Variants in GLG1 observed in about 807,000 individuals in gnomAD.
The protein encoded by GLG1 is golgi glycoprotein 1, also known as Golgi apparatus protein 1.
Under a neutral mutation model 160.5 loss-of-function variants are expected in GLG1, and 38 were observed. The observed-to-expected ratio is 0.24, with a 90% CI of 0.18 to 0.31. The LOEUF is 0.31. GLG1 is among the 10% of genes least tolerant of loss of function. GLG1 has a pLI of 1.00. For synonymous variants in GLG1, 644 were observed against 543.4 expected (o/e 1.19, Z -2.57); for missense variants, 1,373 against 1,505.2 (o/e 0.91, Z 1.45).
intron 11 of GLG1, among the ~76,000 whole-genome samples, chr16:74,477,980 AT>A (rs1470263279): frequency 3.2e-4 from 47 of 146,222 alleles, no homozygotes; most frequent in African/African-American, 1.2e-3. Context: ...TCTCAAAAAA[AT>A]AAATAAATAA....
At chr16:74,505,624 G>T (rs983516334) in intron 3 of GLG1, among the ~76,000 whole-genome samples, 3 of 152,194 alleles carry the variant, frequency 2.0e-5, no homozygotes, top group Non-Finnish European at 2.9e-5. Flanking sequence ...GGAGGCTGAG[G>T]CAGGTGGACT....
At chr16:74,567,375 G>A (rs2018685701) in intron 1 of GLG1, among the ~76,000 whole-genome samples, 1 of 152,096 alleles carries the variant, frequency 6.6e-6, no homozygotes, top group African/African-American at 2.4e-5. Flanking sequence ...CAGCGCTTTA[G>A]AATTTGAAAT....
At chr16:74,558,556 C>T (rs1438999597) in intron 1 of GLG1, among the ~76,000 whole-genome samples, 1 of 152,222 alleles carries the variant, frequency 6.6e-6, no homozygotes, top group African/African-American at 2.4e-5. Context: ...GCATGGCTTT[C>T]GCCCATGTTT....
intron 1 of GLG1, among the ~76,000 whole-genome samples, chr16:74,599,894 C>T (rs1366050680): frequency 1.3e-5 from 2 of 151,118 alleles, no homozygotes; most frequent in Admixed American, 6.6e-5. Context: ...ATTAGCCAGG[C>T]ATGGTGGCTG....
intron 1 of GLG1, among the ~76,000 whole-genome samples, chr16:74,581,436 T>C (rs1957934774): frequency 6.8e-6 from 1 of 147,284 alleles, no homozygotes; most frequent in African/African-American, 2.5e-5. Flanking sequence ...ATACCTAGAG[T>C]AGTCAAATTC....
At chr16:74,459,852 T>TTA in intron 22 of GLG1, 63 bp from the exon 23 acceptor site, 1 of 818,294 alleles carries the variant, frequency 1.2e-6, no homozygotes, top group Non-Finnish European at 1.9e-6. Flanking sequence ...TGACAGTTTC[T>TTA]TCTTTTTTTT....
intron 1 of GLG1, among the ~76,000 whole-genome samples, chr16:74,566,568 A>C (rs950925135): frequency 3.9e-5 from 6 of 152,254 alleles, no homozygotes; most frequent in Non-Finnish European, 5.9e-5. Flanking sequence ...TCATGACTTT[A>C]ATCCAGACTA....
At position 74,606,681 on chromosome 16, in the gene GLG1, G is replaced by A; in HGVS notation, c.414C>T (p.Leu138=). The change falls in exon 1 of 26, where the codon CTC becomes CTT. Residue 138 remains leucine (L), a synonymous_variant. Coordinates refer to ENST00000422840, the MANE Select transcript of GLG1 (RefSeq NM_001145667.2). ...CCTCCCTCACATCCTGCAGGCACTC[G>A]AGCACCGCCAGGTTGTTGCTCCAGG... ...KHTWSNNLAV[L]ECLQDVREPE... is the part of the protein sequence containing the mutation. 8.2e-6 allele frequency: 13 copies of A among 1,591,766 alleles called. No homozygotes were observed. Among genetic ancestry groups the A allele is most frequent in the African/African-American group, 6.7e-5 (5 of 74,476 alleles).
intron 1 of GLG1, among the ~76,000 whole-genome samples, chr16:74,598,378 G>A (rs973044858): frequency 8.6e-5 from 13 of 151,598 alleles, no homozygotes; most frequent in South Asian, 2.1e-4. Context: ...AAAATTAGCC[G>A]GGCGTGGTGG....
At chr16:74,462,273 A>C in intron 21 of GLG1, 78 bp from the exon 22 acceptor site, 1 of 842,654 alleles carries the variant, frequency 1.2e-6, no homozygotes, top group Non-Finnish European at 1.9e-6. Context: ...TGAAAAAAAA[A>C]ACAAACAACA....
At chr16:74,527,557 T>C (rs970118835) in intron 2 of GLG1, among the ~76,000 whole-genome samples, 1 of 151,986 alleles carries the variant, frequency 6.6e-6, no homozygotes, top group Non-Finnish European at 1.5e-5. Context: ...GCCAAGTCAG[T>C]TATCTTAAAG....
At chr16:74,580,846 G>C (rs1957922590) in intron 1 of GLG1, among the ~76,000 whole-genome samples, 1 of 152,156 alleles carries the variant, frequency 6.6e-6, no homozygotes, top group African/African-American at 2.4e-5. Context: ...AAGTGGGCAA[G>C]GATCACCTGA....
chr16:74,601,922 T>C (rs1037926434), intron 1 of GLG1, among the ~76,000 whole-genome samples: 2 of 152,162 alleles, frequency 1.3e-5, no homozygotes, highest in Non-Finnish European at 2.9e-5. Context: ...ACTTAGGATA[T>C]AACATCAGAC....
At chr16:74,532,742 G>T (rs902053037) in intron 1 of GLG1, among the ~76,000 whole-genome samples, 1 of 151,986 alleles carries the variant, frequency 6.6e-6, no homozygotes, top group African/African-American at 2.4e-5. Flanking sequence ...TGCCCAGGCT[G>T]GTGTACAACT....
chr16:74,600,800 T>C (rs960272309), intron 1 of GLG1, among the ~76,000 whole-genome samples: 1 of 151,546 alleles, frequency 6.6e-6, no homozygotes, highest in African/African-American at 2.4e-5. Flanking sequence ...ATAGCAGAGC[T>C]GTGTTCCACC....
chr16:74,502,006 A>T (rs1000503547), intron 4 of GLG1, among the ~76,000 whole-genome samples: 2 of 152,238 alleles, frequency 1.3e-5, no homozygotes, highest in Non-Finnish European at 2.9e-5. Flanking sequence ...TGACAGCCAG[A>T]CAATACACAG....
At chr16:74,475,637 A>T (rs912322099) in intron 12 of GLG1, among the ~76,000 whole-genome samples, 5 of 152,214 alleles carry the variant, frequency 3.3e-5, no homozygotes, top group African/African-American at 4.8e-5. Context: ...AGAGGTTTCA[A>T]GTATAATATC....
At chr16:74,555,001 G>A (rs1375756474) in intron 1 of GLG1, among the ~76,000 whole-genome samples, 3 of 152,274 alleles carry the variant, frequency 2.0e-5, no homozygotes, top group East Asian at 3.9e-4. Flanking sequence ...GAGCGACTGA[G>A]CAAAACCCTG....
chr16:74,477,472 T>C lies in GLG1; in HGVS notation c.1889A>G (p.Lys630Arg). Residue 630 changes from lysine (K) to arginine (R), a missense_variant, in exon 12 of 26, where the codon AAG becomes AGG. Transcript: ENST00000422840. ...RILHQRAMDV[K>R]LDPALQDKCL... ...CTTATCCTGGAGGGCAGGATCCAGC[T>C]TGACATCCATGGCACGCTGGTGTAG... is the stretch of plus-strand genomic sequence containing the variant. 4.3e-6 allele frequency: 7 copies of C among 1,610,296 alleles called. No homozygotes were observed. The African/African-American group carries it at 5.3e-5, about 12-fold the overall frequency.
Sources: gnomAD v4.1 joint callset for allele counts (sites outside exome capture counted in the v4.1 genomes callset) on GRCh38, gnomAD v4.1.1 for gene constraint, MANE v1.5 for transcripts, NCBI Gene and HGNC (gene_info 2026-07-23, HGNC 2026-07-21) for gene names.